Variants in NKAIN2 observed in about 807,000 individuals in gnomAD.
NKAIN2 encodes the protein sodium/potassium-transporting ATPase subunit beta-1-interacting protein 2.
A neutral mutation model predicts 32.6 loss-of-function variants in NKAIN2; 14 were observed. The ratio of observed to expected loss-of-function variants is 0.43; its 90% confidence interval spans 0.28 to 0.67. The LOEUF is 0.67. NKAIN2 is among the 30% of genes least tolerant of loss of function. NKAIN2 has a pLI of 0.17. For missense variants in NKAIN2, 198 were observed against 258.3 expected, an observed-to-expected ratio of 0.77 and a Z score of 1.60; for synonymous variants, 80 against 87.2, an observed-to-expected ratio of 0.92 and a Z score of 0.46.
At chr6:123,848,345 C>A (rs550068373) in intron 1 of NKAIN2, among the ~76,000 whole-genome samples, 1 of 152,276 alleles carries the variant, frequency 6.6e-6, no homozygotes, top group African/African-American at 2.4e-5. Flanking sequence ...TGTGTCCCCA[C>A]CCAAATCTCA....
intron 1 of NKAIN2, among the ~76,000 whole-genome samples, chr6:123,911,935 C>T (rs1048110054): frequency 1.3e-5 from 2 of 150,486 alleles, no homozygotes; most frequent in African/African-American, 2.4e-5. Flanking sequence ...GTATTTTTCA[C>T]TGAATTCAGT....
chr6:124,558,816 G>A (rs1319088593), intron 3 of NKAIN2, among the ~76,000 whole-genome samples: 1 of 152,284 alleles, frequency 6.6e-6, no homozygotes, highest in Non-Finnish European at 1.5e-5. Context: ...GGGCATGGTG[G>A]TGTGTGCCTG....
At chr6:124,279,885 A>G (rs1795214747) in intron 1 of NKAIN2, among the ~76,000 whole-genome samples, 3 of 152,184 alleles carry the variant, frequency 2.0e-5, no homozygotes. Context: ...ATTAGTCACT[A>G]TTGATGTTAC....
chr6:123,934,508 T>G (rs1401101156), intron 1 of NKAIN2, among the ~76,000 whole-genome samples: 1 of 152,160 alleles, frequency 6.6e-6, no homozygotes, highest in Admixed American at 6.5e-5. Context: ...TGCACATTAT[T>G]CTGTAGTGTG....
chr6:124,385,100 A>C (rs1410869937), intron 3 of NKAIN2, among the ~76,000 whole-genome samples: 1 of 152,200 alleles, frequency 6.6e-6, no homozygotes, highest in Non-Finnish European at 1.5e-5. Flanking sequence ...GCAGAAAAAT[A>C]GTATCATGGT....
At chr6:124,773,887 A>G (rs898625168) in intron 4 of NKAIN2, among the ~76,000 whole-genome samples, 1 of 152,190 alleles carries the variant, frequency 6.6e-6, no homozygotes, top group Non-Finnish European at 1.5e-5. Context: ...CATGCCTAAA[A>G]GCTGCCATGG....
At position 124,256,885 on chromosome 6, in the gene NKAIN2, GTTTTTTTTTTTTT is replaced by G. The variant is rs568654193; in HGVS notation, c.55-26108_55-26096del. On this transcript the variant is annotated intron_variant, in intron 1 of 6. Coordinates refer to ENST00000368417, the MANE Select transcript of NKAIN2 (RefSeq NM_001040214.3). ...ACAATGTTTCAATTAGCTTTCTGTT[GTTTTTTTTTTTTT>G]TTTTTTTTTTTGGTAAAATATTAGA... 5.5e-4 allele frequency among the ~76,000 whole-genome samples: 42 copies of G among 75,918 alleles called. 1 individual carries two copies. Among genetic ancestry groups the G allele is most frequent in the Admixed American group, 1.8e-3 (10 of 5,642 alleles). 49.8% of individuals were successfully genotyped at this position (75,918 alleles called of 152,430 possible). A position where few individuals can be genotyped will look rare whatever the true frequency, so the allele number is the denominator to read the frequency against.
chr6:123,945,106 C>T (rs150766845), intron 1 of NKAIN2, among the ~76,000 whole-genome samples: 77 of 152,164 alleles, frequency 5.1e-4, no homozygotes, highest in African/African-American at 1.8e-3. Context: ...GATGATAAGG[C>T]ACTCACATTG....
intron 1 of NKAIN2, among the ~76,000 whole-genome samples, chr6:124,084,768 A>G (rs1371741005): frequency 6.6e-6 from 1 of 152,074 alleles, no homozygotes; most frequent in African/African-American, 2.4e-5. Flanking sequence ...TAATCACTCA[A>G]GAATCTTTTT....
chr6:124,526,568 C>T (rs1223457026), intron 3 of NKAIN2, among the ~76,000 whole-genome samples: 1 of 151,998 alleles, frequency 6.6e-6, no homozygotes, highest in Admixed American at 6.6e-5. Context: ...GATAATAGAA[C>T]TTAATCATGG....
At chr6:124,617,657 A>G (rs1440551658) in intron 3 of NKAIN2, among the ~76,000 whole-genome samples, 1 of 152,138 alleles carries the variant, frequency 6.6e-6, no homozygotes, top group Non-Finnish European at 1.5e-5. Flanking sequence ...CATATCCAAT[A>G]TGCTTGCTGT....
At chr6:124,086,246 GC>G (rs2114918055) in intron 1 of NKAIN2, among the ~76,000 whole-genome samples, 1 of 152,032 alleles carries the variant, frequency 6.6e-6, no homozygotes, top group South Asian at 2.1e-4. Flanking sequence ...GGATGATTGA[GC>G]TTTTGTGTTT....
chr6:124,321,383 G>A (rs779086403), intron 2 of NKAIN2, among the ~76,000 whole-genome samples: 1 of 152,100 alleles, frequency 6.6e-6, no homozygotes, highest in East Asian at 1.9e-4. Flanking sequence ...ACAGGTTGAT[G>A]GGTGCAGCAA....
chr6:123,911,801 G>A (rs2046844), intron 1 of NKAIN2, among the ~76,000 whole-genome samples: 2,734 of 57,454 alleles, frequency 0.048, 254 homozygotes, highest in African/African-American at 0.16. Context: ...ATATATATAT[G>A]TATATATATA....
chr6:123,814,502 A>G (rs192922230), intron 1 of NKAIN2, among the ~76,000 whole-genome samples: 3 of 152,350 alleles, frequency 2.0e-5, no homozygotes, highest in Admixed American at 6.5e-5. Context: ...ATATGTGGTG[A>G]CATTTAATTA....
In NKAIN2 at chr6:124,639,368, G is replaced by A. The variant is rs113002263; in HGVS notation, c.274-18818G>A. On this transcript the variant is annotated intron_variant, in intron 3 of 6. Coordinates refer to ENST00000368417, the MANE Select transcript of NKAIN2 (RefSeq NM_001040214.3). The stretch of plus-strand genomic sequence containing the variant: ...TAAGAAAATACGGTGTATATAGGCT[G>A]GGAGTGCGATGGCTCATGCCTGTAA... Among the ~76,000 whole-genome samples the A allele has an allele frequency of 5.7e-3, 869 of 152,286 alleles. 13 individuals are homozygous for A. Among genetic ancestry groups the A allele is most frequent in the African/African-American group, 0.02 (844 of 41,550 alleles).
chr6:124,451,546 G>A (rs562455217), intron 3 of NKAIN2, among the ~76,000 whole-genome samples: 1 of 152,048 alleles, frequency 6.6e-6, no homozygotes, highest in Admixed American at 6.6e-5. Flanking sequence ...GCAAGCTAGG[G>A]TGCTCATAAA....
chr6:124,390,024 CA>C (rs1469954732), intron 3 of NKAIN2, among the ~76,000 whole-genome samples: 1 of 152,010 alleles, frequency 6.6e-6, no homozygotes, highest in African/African-American at 2.4e-5. Context: ...GTTATGTTAG[CA>C]CACTCAGCCT....
At chr6:124,712,785 C>T (rs1452909576) in intron 4 of NKAIN2, among the ~76,000 whole-genome samples, 1 of 151,966 alleles carries the variant, frequency 6.6e-6, no homozygotes, top group African/African-American at 2.4e-5. Flanking sequence ...ATGCTGGGAG[C>T]TGTAGACCGG....
Sources: gnomAD v4.1 joint callset for allele counts (sites outside exome capture counted in the v4.1 genomes callset) on GRCh38, gnomAD v4.1.1 for gene constraint, MANE v1.5 for transcripts, NCBI Gene and HGNC (gene_info 2026-07-23, HGNC 2026-07-21) for gene names.